Variants in YES1 observed in about 807,000 individuals in gnomAD.
YES1 encodes YES proto-oncogene 1, Src family tyrosine kinase.
In YES1, 39 loss-of-function variants were observed where a neutral mutation model predicts 70.4. The ratio of observed to expected loss-of-function variants is 0.55; its 90% confidence interval spans 0.43 to 0.72. YES1 has a LOEUF of 0.72. Ranked by LOEUF, YES1 falls within the 30% of genes least tolerant of loss-of-function variation. YES1 has a pLI of 0.00. For missense variants in YES1, 495 were observed against 644.8 expected, an observed-to-expected ratio of 0.77 and a Z score of 2.52; for synonymous variants, 198 against 218.6, an observed-to-expected ratio of 0.91 and a Z score of 0.83.
intron 1 of YES1, among the ~76,000 whole-genome samples, chr18:767,732 C>T (rs1309585199): frequency 6.6e-6 from 1 of 152,042 alleles, no homozygotes; most frequent in African/African-American, 2.4e-5. Context: ...GTCAGAGTCT[C>T]GCTCTGTGCC....
chr18:759,883 C>T (rs1053900137), intron 1 of YES1, among the ~76,000 whole-genome samples: 7 of 142,704 alleles, frequency 4.9e-5, no homozygotes, highest in African/African-American at 7.8e-5. Context: ...CGACAAGCCC[C>T]GGTGTATGAT....
At chr18:757,395 C>G (rs921744811) in intron 1 of YES1, among the ~76,000 whole-genome samples, 1 of 149,566 alleles carries the variant, frequency 6.7e-6, no homozygotes, top group Non-Finnish European at 1.5e-5. Flanking sequence ...CCCAGCTACT[C>G]GGGAGGCTGA....
chr18:728,043 A>G (rs2080042606), intron 11 of YES1, among the ~76,000 whole-genome samples: 1 of 152,176 alleles, frequency 6.6e-6, no homozygotes, highest in South Asian at 2.1e-4. Context: ...TAAACACAAA[A>G]TACATTTATG....
intron 1 of YES1, among the ~76,000 whole-genome samples, chr18:786,751 T>C (rs997985562): frequency 6.6e-6 from 1 of 152,200 alleles, no homozygotes; most frequent in Admixed American, 6.6e-5. Context: ...CAAGTTTTTA[T>C]ATGGTCAAGC....
Position 758,751 on chromosome 18 carries a change from A to T in YES1, c.-8-1916T>A, listed in dbSNP as rs1046598705. ...ATATACCATTTTTAATTTACTGGTC[A>T]AATCCCAACCTACCCCCAAATTAAT... On this transcript the variant is annotated intron_variant, in intron 1 of 11. Coordinates refer to ENST00000314574, the MANE Select transcript of YES1 (RefSeq NM_005433.4). 1.2e-4 allele frequency among the ~76,000 whole-genome samples: 18 copies of T among 152,316 alleles called. 1 individual carries two copies. The highest frequency in any genetic ancestry group is 1.0e-3 in the South Asian group (5 of 4,826).
intron 4 of YES1, among the ~76,000 whole-genome samples, chr18:747,330 G>A (rs914039195): frequency 2.6e-5 from 4 of 152,094 alleles, no homozygotes; most frequent in South Asian, 2.1e-4. Context: ...TTAGCTGGGC[G>A]TGGTGGTGCA....
intron 1 of YES1, among the ~76,000 whole-genome samples, chr18:757,303 A>C (rs1031751914): frequency 6.6e-6 from 1 of 151,740 alleles, no homozygotes; most frequent in Non-Finnish European, 1.5e-5. Flanking sequence ...GGAGATTGAG[A>C]CCATCCTGGC....
chr18:725,565 T>C (rs372510491), intron 11 of YES1, among the ~76,000 whole-genome samples: 1 of 152,162 alleles, frequency 6.6e-6, no homozygotes, highest in African/African-American at 2.4e-5. Flanking sequence ...TTTTCTGAGC[T>C]TTTCATCTAA....
At chr18:745,639 G>C (rs578091859) in intron 6 of YES1, 69 bp downstream of exon 6, 6 of 1,390,268 alleles carry the variant, frequency 4.3e-6, no homozygotes, top group Non-Finnish European at 5.9e-6. Flanking sequence ...AGAGAAATGA[G>C]GATATGGATT....
chr18:762,800 A>G (rs762203292), intron 1 of YES1, among the ~76,000 whole-genome samples: 1 of 152,204 alleles, frequency 6.6e-6, no homozygotes, highest in Non-Finnish European at 1.5e-5. Flanking sequence ...AGACACTGTA[A>G]AAGGAGCTGG....
chr18:775,975 C>G (rs1289729317), intron 1 of YES1, among the ~76,000 whole-genome samples: 2 of 152,074 alleles, frequency 1.3e-5, no homozygotes. Flanking sequence ...TGAATTGTTT[C>G]CAGTTTTTTT....
intron 8 of YES1, among the ~76,000 whole-genome samples, chr18:740,017 T>G (rs1475117075): frequency 2.0e-5 from 3 of 152,160 alleles, no homozygotes; most frequent in Non-Finnish European, 4.4e-5. Flanking sequence ...TGATAACACA[T>G]GCAAAAAAAG....
intron 11 of YES1, among the ~76,000 whole-genome samples, chr18:732,341 G>A (rs937993633): frequency 6.7e-6 from 1 of 149,578 alleles, no homozygotes; most frequent in African/African-American, 2.5e-5. Flanking sequence ...TTGGGAGGCT[G>A]AGGCAGGAGA....
intron 10 of YES1, among the ~76,000 whole-genome samples, chr18:735,161 C>CAAAAAAAAAAAAAAAAA (rs71174281): frequency 4.1e-4 from 45 of 110,642 alleles, no homozygotes; most frequent in East Asian, 6.7e-4. Context: ...TGTCTCAAAG[C>CAAAAAAAAAAAAAAAAA]AAAAAAAAAA....
At position 757,288 on chromosome 18, in the gene YES1, G is replaced by T. The variant is rs568133526; in HGVS notation, c.-8-453C>A. Among the ~76,000 whole-genome samples, 843 of 152,132 alleles carry T rather than the reference G, an allele frequency of 5.5e-3. 1 individual carries two copies. The highest frequency in any genetic ancestry group is 7.0e-3 in the Non-Finnish European group (478 of 67,982). ...GGAGGCCAAGGCGGGCGGATCACGA[G>T]GTCAGGAGATTGAGACCATCCTGGC... On this transcript the variant is annotated intron_variant, in intron 1 of 11. Coordinates refer to ENST00000314574, the MANE Select transcript of YES1 (RefSeq NM_005433.4).
intron 1 of YES1, among the ~76,000 whole-genome samples, chr18:769,898 G>T (rs1032109904): frequency 3.3e-5 from 5 of 151,306 alleles, no homozygotes; most frequent in Non-Finnish European, 7.4e-5. Context: ...TTCTGTGTTT[G>T]CTTTTGGTAT....
chr18:736,767 CACACA>C (rs1230430872), intron 10 of YES1, 36 bp downstream of exon 10: 5 of 1,592,938 alleles, frequency 3.1e-6, no homozygotes, highest in African/African-American at 2.7e-5. Flanking sequence ...TTAAGCAAAA[CACACA>C]ACACATTACA....
chr18:737,839 C>T (rs765248264), intron 9 of YES1, among the ~76,000 whole-genome samples: 1 of 152,162 alleles, frequency 6.6e-6, no homozygotes, highest in Non-Finnish European at 1.5e-5. Context: ...CCCACCTCAG[C>T]CTAGTGAGTA....
At chr18:796,503 C>T (rs974893717) in intron 1 of YES1, among the ~76,000 whole-genome samples, 9 of 152,178 alleles carry the variant, frequency 5.9e-5, no homozygotes, top group African/African-American at 2.2e-4. Flanking sequence ...GGTGCAGTGG[C>T]TCACGCTGGT....
Sources: allele counts gnomAD v4.1 joint callset (sites outside exome capture counted in the v4.1 genomes callset), GRCh38; gene constraint gnomAD v4.1.1; transcripts MANE v1.5; gene names NCBI Gene and HGNC (gene_info 2026-07-23, HGNC 2026-07-21).